MAX: variants seen among roughly 807,000 people sequenced by gnomAD.
The protein encoded by MAX is protein max.
MAX carries 3 observed loss-of-function variants against 22.3 expected under a neutral mutation model. The ratio of observed to expected loss-of-function variants is 0.13; its 90% CI spans 0.06 to 0.35. MAX has a LOEUF of 0.35. MAX is among the 10% of genes least tolerant of loss of function. The pLI is 1.00. For missense variants in MAX, 119 were observed against 209.4 expected, an observed-to-expected ratio of 0.57 and a Z score of 2.66; for synonymous variants, 72 against 77.7, an observed-to-expected ratio of 0.93 and a Z score of 0.39.
Position 65,076,204 on chromosome 14 carries a change from C to T in MAX, c.*272G>A. ...GGCCGTCTGTCCTCCACAGAAAAAG[C>T]TGCCAAGTTGGGGTGTTTTGGTTTA... On this transcript the variant is annotated 3_prime_UTR_variant, in exon 5 of 5. Transcript: ENST00000358664. The surrounding 1 kb of genome is among the most constrained non-coding windows in gnomAD (Gnocchi z 6.6). 2.1e-6 allele frequency: 3 copies of T among 1,414,948 alleles called. No homozygotes were observed. The highest frequency in any genetic ancestry group is 2.8e-6 in the Non-Finnish European group (3 of 1,089,392). The allele number at this position is 1,414,948 out of a possible 1,614,324, so 87.6% of individuals were successfully genotyped here.
chr14:65,101,123 T>C (rs1037517717), intron 2 of MAX, among the ~76,000 whole-genome samples: 10 of 152,230 alleles, frequency 6.6e-5, no homozygotes, highest in African/African-American at 1.7e-4. Flanking sequence ...TTAAAGGCGA[T>C]TACCGCATGT....
chr14:65,042,489 G>T (rs2062375412), intron 3 of MAX, among the ~76,000 whole-genome samples: 1 of 152,168 alleles, frequency 6.6e-6, no homozygotes, highest in African/African-American at 2.4e-5. Flanking sequence ...TGCTGCTGCT[G>T]ATCTGTCAGG....
At position 65,032,833 on chromosome 14, in the gene MAX, A is replaced by AT. The variant is rs991070732; in HGVS notation, c.172-26550dup. On this transcript the variant is annotated intron_variant, in intron 3 of 3. Transcript: ENST00000341653. The surrounding 1 kb of genome is among the most constrained non-coding windows in gnomAD (Gnocchi z 5.0). ...GGAGATCCATTAGGGTTATCTAATG[A>AT]TTTTTTTAAATACTTAAAATGTCTT... 7 of 657,498 alleles carry AT rather than the reference A, an allele frequency of 1.1e-5. No homozygotes were observed. Among genetic ancestry groups the AT allele is most frequent in the Middle Eastern group, 2.6e-4 (1 of 3,790 alleles). The allele number at this position is 657,498 out of a possible 1,614,324, so 40.7% of individuals were successfully genotyped here.
chr14:65,102,154 C>T, intron 1 of MAX, 150 bp downstream of exon 1: 1 of 1,434,454 alleles, frequency 7.0e-7, no homozygotes, highest in Non-Finnish European at 9.5e-7. Context: ...GGGAGCGAAC[C>T]GGGAACGCGA....
intron 3 of MAX, among the ~76,000 whole-genome samples, chr14:65,087,155 G>T (rs756600842): frequency 3.9e-5 from 6 of 152,224 alleles, no homozygotes; most frequent in Non-Finnish European, 8.8e-5. Context: ...ATGGAGTATG[G>T]AAACACCTGT....
chr14:65,031,979 C>CGTGTGTGTGTGTGTGTGTGTGTGTGTGT lies in MAX; in HGVS notation c.172-25723_172-25696dup, dbSNP rs563468928. Among the ~76,000 whole-genome samples the CGTGTGTGTGTGTGTGTGTGTGTGTGTGT allele has an allele frequency of 1.9e-4, 27 of 141,286 alleles. No homozygotes were observed. The highest frequency in any genetic ancestry group is 6.3e-4 in the African/African-American group (24 of 37,888). 92.7% of individuals were successfully genotyped at this position (141,286 alleles called of 152,430 possible). A position where few individuals can be genotyped will look rare whatever the true frequency, so the allele number is the denominator to read the frequency against. ...ATAGACGTGCGCCTTTTTCATTTAA[C>CGTGTGTGTGTGTGTGTGTGTGTGTGTGT]GTGTGTGTGTGTGTGTGTGTGTGTG... On this transcript the variant is annotated intron_variant, in intron 3 of 3. Transcript: ENST00000341653. This position sits in a 1 kb window ranked among gnomAD's most constrained non-coding sequence, Gnocchi z 4.6.
At position 65,075,574 on chromosome 14, in the gene MAX, C is replaced by T. The variant is rs1415575352; in HGVS notation, c.*902G>A. On this transcript the variant is annotated 3_prime_UTR_variant, in exon 5 of 5. Coordinates refer to ENST00000358664, the MANE Select transcript of MAX (RefSeq NM_002382.5). The surrounding 1 kb of genome is among the most constrained non-coding windows in gnomAD (Gnocchi z 4.1). ...TTTCATCATTACTTTATGAATCTGT[C>T]GCTTTGCAAGACCGACATCATCAGA... 13 of 1,065,948 alleles carry T rather than the reference C, an allele frequency of 1.2e-5. No homozygotes were observed. The highest frequency in any genetic ancestry group is 4.5e-5 in the South Asian group (1 of 21,988). 66.0% of individuals were successfully genotyped at this position (1,065,948 alleles called of 1,614,324 possible). A position where few individuals can be genotyped will look rare whatever the true frequency, so the allele number is the denominator to read the frequency against.
At chr14:65,025,708 G>A (rs920127957) in intron 3 of MAX, among the ~76,000 whole-genome samples, 11 of 152,126 alleles carry the variant, frequency 7.2e-5, no homozygotes, top group African/African-American at 2.7e-4. Flanking sequence ...CTAGCTACTT[G>A]GGAGGCTGAG....
downstream of MAX, among the ~76,000 whole-genome samples, chr14:65,071,375 C>G (rs2062987128): frequency 6.6e-6 from 1 of 152,158 alleles, no homozygotes; most frequent in Non-Finnish European, 1.5e-5. The surrounding 1 kb of genome is among the most constrained non-coding windows in gnomAD (Gnocchi z 4.2). Flanking sequence ...AACTCCTGAC[C>G]TCAAGTGATC....
downstream of MAX, chr14:65,006,104 C>T (rs1013017788): frequency 5.7e-6 from 9 of 1,583,056 alleles, no homozygotes; most frequent in Non-Finnish European, 7.7e-6. Flanking sequence ...CTAGGTACTT[C>T]TGCTTACTGG....
intron 3 of MAX, chr14:65,053,047 A>T (rs1309380379): frequency 2.6e-6 from 1 of 382,594 alleles, no homozygotes; most frequent in African/African-American, 2.1e-5. Flanking sequence ...GCTCTTTGAC[A>T]CATGTCAAAG....
intron 3 of MAX, among the ~76,000 whole-genome samples, chr14:65,043,150 G>A (rs1019936314): frequency 5.3e-5 from 8 of 152,140 alleles, no homozygotes; most frequent in African/African-American, 9.7e-5. Flanking sequence ...CTGTAAGTCC[G>A]TGGCTGGAAC....
At chr14:65,064,453 A>G (rs1026117950) in intron 3 of MAX, among the ~76,000 whole-genome samples, 1 of 152,130 alleles carries the variant, frequency 6.6e-6, no homozygotes, top group Non-Finnish European at 1.5e-5. Flanking sequence ...CCATCTTTCT[A>G]CATTAGCCTC....
At chr14:65,036,089 C>A (rs1164315762) in intron 3 of MAX, among the ~76,000 whole-genome samples, 1 of 149,652 alleles carries the variant, frequency 6.7e-6, no homozygotes, top group Non-Finnish European at 1.5e-5. Flanking sequence ...TGCCTCAGCC[C>A]CACAAAGTGT....
intron 3 of MAX, among the ~76,000 whole-genome samples, chr14:65,036,655 T>G (rs1023545714): frequency 1.5e-4 from 23 of 152,256 alleles, no homozygotes; most frequent in African/African-American, 5.3e-4. Context: ...CTGTCTCTCT[T>G]TTTCTATCCC....
intron 3 of MAX, among the ~76,000 whole-genome samples, chr14:65,064,213 C>A (rs1248311705): frequency 1.3e-5 from 2 of 152,176 alleles, no homozygotes; most frequent in African/African-American, 2.4e-5. Context: ...ATATTAGTGT[C>A]AAGTGACAAA....
Position 65,037,402 on chromosome 14 carries a change from CCTTTTTTTTTTTT to C in MAX, c.172-31131_172-31119del, listed in dbSNP as rs1465323348. On this transcript the variant is annotated intron_variant, in intron 3 of 3. Coordinates refer to the MAX transcript ENST00000341653. ...ATAGGCGTGAGCCACCACGCCGGGC[CCTTTTTTTTTTTT>C]TTTTTTTTTTTTTTTTTTTTTTTTT... Among the ~76,000 whole-genome samples the C allele has an allele frequency of 7.1e-3, 103 of 14,530 alleles. 14 individuals are homozygous for C. The highest frequency in any genetic ancestry group is 7.8e-3 in the African/African-American group (27 of 3,440). 9.5% of individuals were successfully genotyped at this position (14,530 alleles called of 152,430 possible).
At chr14:65,072,745 C>G (rs942628), downstream of MAX, among the ~76,000 whole-genome samples, 73,719 of 152,124 alleles carry the variant, frequency 0.48, 20,514 homozygotes, top group African/African-American at 0.78. Context: ...AGTGTCCAAA[C>G]CTGAGAGATG....
chr14:65,070,205 G>C (rs937995642), downstream of MAX, among the ~76,000 whole-genome samples: 23 of 152,216 alleles, frequency 1.5e-4, no homozygotes, highest in African/African-American at 5.5e-4. The surrounding 1 kb of genome is among the most constrained non-coding windows in gnomAD (Gnocchi z 4.4). Flanking sequence ...TTTCTGGAGA[G>C]AAGGCACACC....
Sources: allele counts gnomAD v4.1 joint callset (sites outside exome capture counted in the v4.1 genomes callset), GRCh38; gene constraint gnomAD v4.1.1; non-coding constraint Gnocchi (gnomAD v3.1); transcripts MANE v1.5; gene names NCBI Gene and HGNC (gene_info 2026-07-23, HGNC 2026-07-21).